The following GNAO1 variants were observed in gnomAD, a reference collection of about 807,000 sequenced individuals.
GNAO1 encodes G protein subunit alpha o1.
For missense variants in GNAO1, 166 were observed against 478.7 expected (o/e 0.35, Z 6.10); for synonymous variants, 164 against 180.7 (o/e 0.91, Z 0.74).
chr16:56,339,372 A>T (rs978847366), intron 6 of GNAO1, among the ~76,000 whole-genome samples: 4 of 152,242 alleles, frequency 2.6e-5, no homozygotes, highest in Non-Finnish European at 5.9e-5. Context: ...GTACACAGGA[A>T]TCATCACTCA....
intron 2 of GNAO1, among the ~76,000 whole-genome samples, chr16:56,256,686 GTCTC>G (rs1172369417): frequency 0.015 from 2,049 of 136,138 alleles, 52 homozygotes; most frequent in African/African-American, 0.048. Context: ...CTTTCTCTCT[GTCTC>G]TCTCTCTCTC....
At chr16:56,264,088 A>G (rs2036929704) in intron 2 of GNAO1, among the ~76,000 whole-genome samples, 1 of 152,204 alleles carries the variant, frequency 6.6e-6, no homozygotes, top group Non-Finnish European at 1.5e-5. Context: ...GCCTTGAAGG[A>G]CTTCCTCCAC....
At chr16:56,208,803 C>T (rs1286477024) in intron 2 of GNAO1, among the ~76,000 whole-genome samples, 2 of 152,074 alleles carry the variant, frequency 1.3e-5, no homozygotes, top group Admixed American at 1.3e-4. Flanking sequence ...GTTCTTTTGC[C>T]ACTTTTTAAA....
intron 6 of GNAO1, chr16:56,343,646 G>T: frequency 1.4e-6 from 1 of 722,360 alleles, no homozygotes. Flanking sequence ...TTTTCCCTGT[G>T]CAGTTGTCTC....
At chr16:56,347,922 GCC>G in intron 6 of GNAO1, 1 of 877,990 alleles carries the variant, frequency 1.1e-6, no homozygotes. Flanking sequence ...CCCCCACCCT[GCC>G]CCTGCTGAGT....
intron 2 of GNAO1, among the ~76,000 whole-genome samples, chr16:56,222,311 G>T (rs773138224): frequency 3.5e-4 from 53 of 152,144 alleles, no homozygotes; most frequent in Non-Finnish European, 6.9e-4. Context: ...GTGCTTTGCA[G>T]TCCTTTTTCA....
chr16:56,314,512 G>A (rs757948937), intron 3 of GNAO1, among the ~76,000 whole-genome samples: 29 of 152,182 alleles, frequency 1.9e-4, no homozygotes, highest in South Asian at 6.2e-4. Flanking sequence ...ATTCTCAGAC[G>A]GGTACTCGAG....
intron 3 of GNAO1, among the ~76,000 whole-genome samples, chr16:56,324,630 C>G (rs1170582634): frequency 6.6e-6 from 1 of 152,230 alleles, no homozygotes; most frequent in Admixed American, 6.5e-5. Flanking sequence ...CTGAGTCATC[C>G]CTGCCTGCCT....
chr16:56,225,337 T>C (rs574422189), intron 2 of GNAO1, among the ~76,000 whole-genome samples: 14 of 152,236 alleles, frequency 9.2e-5, no homozygotes, highest in Non-Finnish European at 1.8e-4. Context: ...AAAGGGGAGC[T>C]AATACGTGTT....
chr16:56,210,503 A>C (rs1203846350), intron 2 of GNAO1, among the ~76,000 whole-genome samples: 1 of 152,250 alleles, frequency 6.6e-6, no homozygotes, highest in Non-Finnish European at 1.5e-5. Context: ...TGTCTTCCAA[A>C]ATATATAGAT....
At chr16:56,348,734 G>GGGGGCTGGCAGGGGTCTC (rs139785578) in intron 6 of GNAO1, among the ~76,000 whole-genome samples, 9,893 of 152,112 alleles carry the variant, frequency 0.065, 482 homozygotes, top group African/African-American at 0.13. Flanking sequence ...GTCAGGCCTG[G>GGGGGCTGGCAGGGGTCTC]GGGGCTGGCA....
At chr16:56,299,496 G>A (rs1266070897) in intron 3 of GNAO1, among the ~76,000 whole-genome samples, 1 of 151,746 alleles carries the variant, frequency 6.6e-6, no homozygotes, top group African/African-American at 2.4e-5. Context: ...CCTTGCCCCA[G>A]CCCCACCCAG....
At chr16:56,221,206 G>A (rs1193282722) in intron 2 of GNAO1, among the ~76,000 whole-genome samples, 1 of 152,086 alleles carries the variant, frequency 6.6e-6, no homozygotes, top group Non-Finnish European at 1.5e-5. Context: ...CTACAACTGC[G>A]AGAAAATAAG....
chr16:56,204,951 C>G (rs1171910950), intron 2 of GNAO1, among the ~76,000 whole-genome samples: 3 of 152,178 alleles, frequency 2.0e-5, no homozygotes, highest in Admixed American at 6.5e-5. Context: ...ATATCTTTCT[C>G]TCCAGCAAAA....
chr16:56,243,483 C>A (rs1293852341), intron 2 of GNAO1, among the ~76,000 whole-genome samples: 2 of 152,128 alleles, frequency 1.3e-5, no homozygotes, highest in African/African-American at 4.8e-5. Flanking sequence ...AATAAAAAAA[C>A]AACCTAACTT....
chr16:56,341,041 A>G (rs2143676619), intron 6 of GNAO1: 1 of 1,453,888 alleles, frequency 6.9e-7, no homozygotes, highest in Admixed American at 1.8e-5. Flanking sequence ...CCCGTTCCCA[A>G]AGCCCAGTCC....
intron 2 of GNAO1, among the ~76,000 whole-genome samples, chr16:56,212,383 C>T (rs2036397680): frequency 6.6e-6 from 1 of 152,222 alleles, no homozygotes; most frequent in African/African-American, 2.4e-5. Flanking sequence ...CGCAATGGTC[C>T]TGGAATGCAG....
At chr16:56,235,474 T>C (rs1421588581) in intron 2 of GNAO1, 1 of 452,888 alleles carries the variant, frequency 2.2e-6, no homozygotes, top group African/African-American at 2.0e-5. Flanking sequence ...CTGTCTACCA[T>C]TTCCCTTTGG....
chr16:56,219,759 C>T (rs1483781863), intron 2 of GNAO1, among the ~76,000 whole-genome samples: 4 of 152,112 alleles, frequency 2.6e-5, no homozygotes, highest in South Asian at 2.1e-4. Flanking sequence ...CCCCCATTCT[C>T]GGGAAGAAGC....
Sources: gnomAD v4.1 joint callset for allele counts (sites outside exome capture counted in the v4.1 genomes callset) on GRCh38, gnomAD v4.1.1 for gene constraint, MANE v1.5 for transcripts, NCBI Gene and HGNC (gene_info 2026-07-23, HGNC 2026-07-21) for gene names.